KLHL26: variants seen among roughly 807,000 people sequenced by gnomAD.
KLHL26 encodes the protein kelch-like protein 26.
KLHL26 carries 4 observed loss-of-function variants against 7.1 expected under a neutral mutation model. That is an observed-to-expected ratio of 0.56 (90% CI 0.28 to 1.28). The LOEUF is 1.28. Among genes scored for constraint, KLHL26 ranks in the 50% most tolerant of loss-of-function variants. KLHL26 has a pLI of 0.11. For missense variants in KLHL26, 896 were observed against 924.6 expected (o/e 0.97, Z 0.40); for synonymous variants, 465 against 414.1 (o/e 1.12, Z -1.49).
intron 2 of KLHL26, among the ~76,000 whole-genome samples, chr19:18,666,249 C>A (rs2052446894): frequency 6.6e-6 from 1 of 152,072 alleles, no homozygotes; most frequent in African/African-American, 2.4e-5. Flanking sequence ...TGGGCGGCCC[C>A]GAGATAGTGC....
Position 18,649,662 on chromosome 19 carries a change from G to A in KLHL26, c.83+12525G>A, listed in dbSNP as rs1281885867. 6.6e-6 allele frequency among the ~76,000 whole-genome samples: 1 copy of A among 152,220 alleles called. No homozygotes were observed. The highest frequency in any genetic ancestry group is 2.4e-5 in the African/African-American group (1 of 41,458). On this transcript the variant is annotated intron_variant, in intron 1 of 2. Transcript: ENST00000300976. The surrounding 1 kb of genome is among the most constrained non-coding windows in gnomAD (Gnocchi z 4.0). ...GGGCCAAGCCCGCTGGGTTCCCGCT[G>A]CCGGCAGCCCCGCCCTCCTCCTCTG...
rs769122832 is a variant in KLHL26, at chr19:18,668,257, A to G, written c.860A>G (p.Tyr287Cys). Residue 287 changes from tyrosine to cysteine, a missense_variant, in exon 3 of 3, where the codon TAC becomes TGC. By Grantham distance (194) the Tyr-to-Cys change is radical. Transcript: ENST00000300976. ...CRQYLLEAFN[Y>C]QVLPFRQHEM... ...CAGTATCTGCTGGAGGCCTTCAACT[A>G]CCAGGTGCTGCCCTTCCGGCAGCAC... is the stretch of plus-strand genomic sequence containing the variant. 1 of 1,611,936 alleles carries G rather than the reference A, an allele frequency of 6.2e-7. No homozygotes were observed. Among genetic ancestry groups the G allele is most frequent in the Non-Finnish European group, 8.5e-7 (1 of 1,179,832 alleles).
At chr19:18,652,189 G>A (rs1266559067) in intron 1 of KLHL26, among the ~76,000 whole-genome samples, 2 of 152,144 alleles carry the variant, frequency 1.3e-5, no homozygotes, top group African/African-American at 2.4e-5. Context: ...GGATGTGCAG[G>A]AGAGTCCCAC....
chr19:18,642,017 C>T (rs900750705), intron 1 of KLHL26, among the ~76,000 whole-genome samples: 3 of 152,188 alleles, frequency 2.0e-5, no homozygotes, highest in African/African-American at 7.2e-5. Flanking sequence ...GCATCTCATG[C>T]CTCAGGTGCT....
At chr19:18,665,708 G>A (rs1044546789) in intron 2 of KLHL26, among the ~76,000 whole-genome samples, 1 of 152,200 alleles carries the variant, frequency 6.6e-6, no homozygotes, top group South Asian at 2.1e-4. Context: ...GCTGTGGGGT[G>A]GGGGGTGCTT....
intron 1 of KLHL26, among the ~76,000 whole-genome samples, chr19:18,659,518 C>T (rs533546993): frequency 3.9e-5 from 6 of 152,368 alleles, no homozygotes; most frequent in East Asian, 1.9e-4. Context: ...GGACTGCGCG[C>T]GTCAGAACCG....
intron 2 of KLHL26, 130 bp downstream of exon 2, chr19:18,664,573 G>A: frequency 3.1e-6 from 2 of 651,102 alleles, no homozygotes; most frequent in African/African-American, 1.8e-5. Flanking sequence ...GAGAACGGCT[G>A]GTACCGGCTG....
In KLHL26 at chr19:18,669,035, GGCCGGCCAGTCAGAGGC is replaced by G; in HGVS notation, c.1639_1655del (p.Ala547ArgfsTer74). 6.2e-7 allele frequency: 1 copy of G among 1,612,778 alleles called. No individual in the cohort carries two copies. Among genetic ancestry groups the G allele is most frequent in the Non-Finnish European group, 8.5e-7 (1 of 1,179,936 alleles). ...AGTGGACCAGCGTGAGCCCCATGCGGGCCGGCCAGTCAGAGGCCGGCTGCTGCCTGCTGGAGAGGAAG... is the reference window on the plus strand; with the variant it reads ...AGTGGACCAGCGTGAGCCCCATGCGGCGGCTGCTGCCTGCTGGAGAGGAAG... On this transcript the variant is annotated frameshift_variant, in exon 3 of 3. Transcript: ENST00000300976. LOFTEE classifies it high-confidence loss of function.
intron 1 of KLHL26, among the ~76,000 whole-genome samples, chr19:18,663,214 G>C (rs776305104): frequency 6.6e-6 from 1 of 152,250 alleles, no homozygotes; most frequent in Non-Finnish European, 1.5e-5. Flanking sequence ...TGGGGCTTGG[G>C]CAACTTCTCT....
At chr19:18,661,472 G>T (rs1432991871) in intron 1 of KLHL26, among the ~76,000 whole-genome samples, 1 of 152,060 alleles carries the variant, frequency 6.6e-6, no homozygotes, top group Non-Finnish European at 1.5e-5. Context: ...CATATGTGTG[G>T]CACTTTGAGC....
chr19:18,667,803 G>C lies in KLHL26; in HGVS notation c.406G>C (p.Val136Leu), dbSNP rs1188182764. 1.2e-6 allele frequency: 2 copies of C among 1,613,416 alleles called. No individual in the cohort carries two copies. Among genetic ancestry groups the C allele is most frequent in the East Asian group, 2.2e-5 (1 of 44,888 alleles). Residue 136 changes from valine (V) to leucine (L), a missense_variant, in exon 3 of 3, where the codon GTG becomes CTG. Transcript: ENST00000300976. ...VTLDLDCVQD[V>L]LGAAVFLQML... ...ACTGGACCTGGACTGCGTGCAGGACGTGCTGGGCGCGGCCGTGTTCTTGCA... is the reference window on the plus strand; with the variant it reads ...ACTGGACCTGGACTGCGTGCAGGACCTGCTGGGCGCGGCCGTGTTCTTGCA...
intron 2 of KLHL26, among the ~76,000 whole-genome samples, chr19:18,665,113 G>C (rs2052434487): frequency 6.6e-6 from 1 of 151,258 alleles, no homozygotes; most frequent in African/African-American, 2.4e-5. Context: ...CTGGAGTGCA[G>C]TAGCACAATC....
Position 18,669,429 on chromosome 19 carries a change from C to T in KLHL26, c.*184C>T. The stretch of plus-strand genomic sequence containing the variant: ...CCCTCCTTCCCAAAGCAGATCCTGG[C>T]TGCGAGTCCATCCGAGGGAGCCTGC... On this transcript the variant is annotated 3_prime_UTR_variant, in exon 3 of 3. Transcript: ENST00000300976. 1 of 596,134 alleles carries T rather than the reference C, an allele frequency of 1.7e-6. No homozygotes were observed. Among genetic ancestry groups the T allele is most frequent in the East Asian group, 2.8e-5 (1 of 35,282 alleles). 36.9% of individuals were successfully genotyped at this position (596,134 alleles called of 1,614,324 possible). A position where few individuals can be genotyped will look rare whatever the true frequency, so the allele number is the denominator to read the frequency against.
chr19:18,654,821 C>A (rs767147762), intron 1 of KLHL26, among the ~76,000 whole-genome samples: 11 of 151,598 alleles, frequency 7.3e-5, no homozygotes, highest in Non-Finnish European at 1.5e-4. Context: ...GTCTATCTAC[C>A]GTTTGCCCAT....
rs2052380210 is a variant in KLHL26 at position 18,660,378 on chromosome 19, A to G, written c.84-3883A>G. Among the ~76,000 whole-genome samples, 3 of 152,202 alleles carry G rather than the reference A, an allele frequency of 2.0e-5. No individual in the cohort carries two copies. The South Asian group carries it at 6.2e-4, about 31-fold the overall frequency. ...GAGGGTGCAGCCAGGGCGGGCAGCA[A>G]TGGCCTCTTGAGACGGCCCTGGCCG... On this transcript the variant is annotated intron_variant, in intron 1 of 2. Coordinates refer to ENST00000300976, the MANE Select transcript of KLHL26 (RefSeq NM_018316.3).
At chr19:18,637,169 C>A (rs1356282290) in intron 1 of KLHL26, 32 bp downstream of exon 1, 94 of 1,293,524 alleles carry the variant, frequency 7.3e-5, no homozygotes, top group Non-Finnish European at 9.0e-5. Flanking sequence ...AGACCTGCAC[C>A]TGTCTTGGAG....
At position 18,670,744 on chromosome 19, in the gene KLHL26, TCA is replaced by T. The variant is rs2052519204; in HGVS notation, c.*1501_*1502del. 6.6e-6 allele frequency: 1 copy of T among 152,196 alleles called. No homozygotes were observed. Among genetic ancestry groups the T allele is most frequent in the Non-Finnish European group, 1.5e-5 (1 of 68,058 alleles). The allele number at this position is 152,196 out of a possible 1,614,324, so 9.4% of individuals were successfully genotyped here. On this transcript the variant is annotated 3_prime_UTR_variant, in exon 3 of 3. Coordinates refer to ENST00000300976, the MANE Select transcript of KLHL26 (RefSeq NM_018316.3). ...TTTTTTGAGACGGAGCCTCGCTCTG[TCA>T]CCCAGGCTGGAGTGCAGTGGCGTGA...
At chr19:18,663,608 TG>T (rs986928310) in intron 1 of KLHL26, among the ~76,000 whole-genome samples, 7 of 152,066 alleles carry the variant, frequency 4.6e-5, no homozygotes, top group Non-Finnish European at 1.0e-4. Context: ...CTCAGCCCGG[TG>T]GGGGTGGGGG....
rs372251171 is a variant in KLHL26, at chr19:18,664,464, G to T, written c.266+21G>T. Reference sequence around the variant, plus strand: ...TTCAGGTAAGTGCTGGCCCCAGGCAGCTGGAAGGGGCGGCTGCCTGTTGGG... The same window carrying T: ...TTCAGGTAAGTGCTGGCCCCAGGCATCTGGAAGGGGCGGCTGCCTGTTGGG... On this transcript the variant is annotated intron_variant, in intron 2 of 2. Coordinates refer to ENST00000300976, the MANE Select transcript of KLHL26 (RefSeq NM_018316.3). 2.0e-6 allele frequency: 3 copies of T among 1,530,484 alleles called. No individual in the cohort carries two copies. The African/African-American group carries it at 4.1e-5, about 21-fold the overall frequency. 94.8% of individuals were successfully genotyped at this position (1,530,484 alleles called of 1,614,324 possible). A position where few individuals can be genotyped will look rare whatever the true frequency, so the allele number is the denominator to read the frequency against.
Sources: gnomAD v4.1 joint callset for allele counts (sites outside exome capture counted in the v4.1 genomes callset) on GRCh38, gnomAD v4.1.1 for gene constraint, Gnocchi (gnomAD v3.1) non-coding constraint, MANE v1.5 for transcripts, NCBI Gene and HGNC (gene_info 2026-07-23, HGNC 2026-07-21) for gene names.